Variants in ANKRD17 observed in about 807,000 individuals in gnomAD.
ANKRD17 encodes the protein ankyrin repeat domain 17.
Under a neutral mutation model 229.7 loss-of-function variants are expected in ANKRD17, and 19 were observed. That is an observed-to-expected ratio of 0.08 (90% CI 0.06 to 0.12). The LOEUF (loss-of-function observed/expected upper bound fraction) is 0.12. Among genes scored for constraint, ANKRD17 ranks in the 10% least tolerant of loss-of-function variants. The probability of loss-of-function intolerance (pLI) is 1.00; values close to 1 mark genes in which losing one functional copy is unlikely to be tolerated. For synonymous variants in ANKRD17, 1,112 were observed against 1,146.1 expected (o/e 0.97, Z 0.60); for missense variants, 2,176 against 3,176.8 (o/e 0.68, Z 7.57).
intron 1 of ANKRD17, among the ~76,000 whole-genome samples, chr4:73,219,355 C>CAA (rs34914964): frequency 6.6e-6 from 1 of 151,770 alleles, no homozygotes. Flanking sequence ...ACGTATCTGT[C>CAA]AAAAAAAGTC....
chr4:73,207,594 T>C (rs1425681188), intron 1 of ANKRD17, among the ~76,000 whole-genome samples: 1 of 152,160 alleles, frequency 6.6e-6, no homozygotes, highest in Non-Finnish European at 1.5e-5. Flanking sequence ...CATGCAAACA[T>C]TAATCATAGA....
chr4:73,155,593 T>C (rs1560611480), intron 5 of ANKRD17, 38 bp downstream of exon 5: 2 of 1,607,334 alleles, frequency 1.2e-6, no homozygotes, highest in Admixed American at 1.7e-5. Context: ...CCAAATGATG[T>C]TACTATGTAG....
chr4:73,258,348 GCCACCTCCGCCT>G lies in ANKRD17; in HGVS notation c.309_320del (p.Gly107_Gly110del), dbSNP rs761485112. On this transcript the variant is annotated inframe_deletion, in exon 1 of 34. Transcript: ENST00000358602. ...TGTTGTTACTGCTGGTGCCGCCGCC[GCCACCTCCGCCT>G]CCACCGCCGCCTCCACCGCCGCCGC... The G allele has an allele frequency of 5.6e-6, 9 of 1,611,704 alleles. No homozygotes were observed. The highest frequency in any genetic ancestry group is 2.2e-5 in the South Asian group (2 of 91,052).
At chr4:73,096,156 C>G (rs1027321068) in intron 27 of ANKRD17, among the ~76,000 whole-genome samples, 3 of 152,154 alleles carry the variant, frequency 2.0e-5, no homozygotes, top group Admixed American at 6.5e-5. Context: ...GGCATGATCC[C>G]TGTTCTCTAT....
intron 11 of ANKRD17, among the ~76,000 whole-genome samples, chr4:73,143,465 T>A (rs1729855951): frequency 7.2e-5 from 11 of 152,060 alleles, no homozygotes. Flanking sequence ...CTAGGTAATG[T>A]GAGAAATGGA....
chr4:73,252,668 T>C (rs1055685646), intron 1 of ANKRD17, among the ~76,000 whole-genome samples: 2 of 151,962 alleles, frequency 1.3e-5, no homozygotes, highest in South Asian at 2.1e-4. Context: ...ACAATCTCTA[T>C]TTAAAAGAAA....
At chr4:73,199,831 TA>T (rs747715824) in intron 1 of ANKRD17, among the ~76,000 whole-genome samples, 96 of 152,322 alleles carry the variant, frequency 6.3e-4, no homozygotes, top group Admixed American at 2.9e-3. Flanking sequence ...GGGCAGTCAA[TA>T]AACATTTGTT....
At chr4:73,155,286 G>C (rs936793247) in intron 5 of ANKRD17, among the ~76,000 whole-genome samples, 6 of 152,018 alleles carry the variant, frequency 3.9e-5, no homozygotes, top group African/African-American at 1.5e-4. Flanking sequence ...ACAATTGTTT[G>C]GTCTCCCTAT....
intron 27 of ANKRD17, among the ~76,000 whole-genome samples, chr4:73,095,478 T>C (rs2110187914): frequency 6.6e-6 from 1 of 151,838 alleles, no homozygotes; most frequent in South Asian, 2.1e-4. Flanking sequence ...GGCATGCACC[T>C]GTAATCCCAG....
intron 2 of ANKRD17, among the ~76,000 whole-genome samples, chr4:73,161,774 C>T (rs918068229): frequency 6.6e-5 from 10 of 152,160 alleles, no homozygotes; most frequent in Non-Finnish European, 1.3e-4. Context: ...GAGAAGGGGA[C>T]AGAGTCCTGA....
chr4:73,220,864 A>C (rs985366525), intron 1 of ANKRD17, among the ~76,000 whole-genome samples: 8 of 152,152 alleles, frequency 5.3e-5, no homozygotes, highest in Non-Finnish European at 8.8e-5. Flanking sequence ...GATGAACTTC[A>C]TTATCCATTA....
chr4:73,221,043 T>C (rs1442617657), intron 1 of ANKRD17, among the ~76,000 whole-genome samples: 4 of 152,198 alleles, frequency 2.6e-5, no homozygotes, highest in African/African-American at 4.8e-5. Flanking sequence ...GCACTCTGTA[T>C]TTTTAGCACT....
At chr4:73,113,690 T>G (rs1725599147) in intron 24 of ANKRD17, 102 bp downstream of exon 24, 3 of 963,294 alleles carry the variant, frequency 3.1e-6, no homozygotes, top group Non-Finnish European at 4.8e-6. Context: ...GTACGTAATT[T>G]AAAGCAAACA....
intron 1 of ANKRD17, among the ~76,000 whole-genome samples, chr4:73,196,004 C>CT (rs752128086): frequency 0.033 from 4,157 of 124,600 alleles, 134 homozygotes; most frequent in African/African-American, 0.043. Flanking sequence ...AACCATGTTT[C>CT]TTTTTTTTTT....
intron 14 of ANKRD17, 34 bp from the exon 15 acceptor site, chr4:73,140,317 A>G (rs749449180): frequency 3.3e-5 from 50 of 1,537,106 alleles, no homozygotes; most frequent in Non-Finnish European, 3.8e-5. Flanking sequence ...AGAAGTGCAC[A>G]TGAATGGCAT....
At chr4:73,225,595 T>A (rs1479556913) in intron 1 of ANKRD17, among the ~76,000 whole-genome samples, 2 of 152,062 alleles carry the variant, frequency 1.3e-5, no homozygotes, top group African/African-American at 4.8e-5. Context: ...GGCTCATGCC[T>A]GTCCTGTAAT....
chr4:73,113,171 G>C, intron 24 of ANKRD17: 1 of 1,272,966 alleles, frequency 7.9e-7, no homozygotes, highest in East Asian at 5.6e-5. Context: ...TTACTATTCA[G>C]TTAAGTTCTA....
At chr4:73,115,955 C>G in intron 22 of ANKRD17, 39 bp from the exon 23 acceptor site, 1 of 1,549,786 alleles carries the variant, frequency 6.5e-7, no homozygotes, top group African/African-American at 1.4e-5. Context: ...AAAACAGACT[C>G]TAACAGTTCA....
At chr4:73,132,406 G>A (rs1427839275) in intron 16 of ANKRD17, among the ~76,000 whole-genome samples, 1 of 152,090 alleles carries the variant, frequency 6.6e-6, no homozygotes, top group East Asian at 1.9e-4. Context: ...ACCACACCTG[G>A]TCAAAACTAG....
Sources: allele counts gnomAD v4.1 joint callset (sites outside exome capture counted in the v4.1 genomes callset), GRCh38; gene constraint gnomAD v4.1.1; transcripts MANE v1.5; gene names NCBI Gene and HGNC (gene_info 2026-07-23, HGNC 2026-07-21).